KAZN: variants seen among roughly 807,000 people sequenced by gnomAD.
KAZN encodes the protein kazrin.
In KAZN, 40 loss-of-function variants were observed where a neutral mutation model predicts 87.4. The ratio of observed to expected loss-of-function variants is 0.46; its 90% CI spans 0.36 to 0.60. The LOEUF is 0.60. KAZN is among the 20% of genes least tolerant of loss of function. The pLI, the probability that KAZN is intolerant of heterozygous loss-of-function variation, is 0.00. For synonymous variants in KAZN, 466 were observed against 458.3 expected (o/e 1.02, Z -0.22); for missense variants, 898 against 1,073.9 (o/e 0.84, Z 2.29).
intron 1 of KAZN, among the ~76,000 whole-genome samples, chr1:14,960,109 T>C (rs570934094): frequency 1.1e-3 from 170 of 152,278 alleles, no homozygotes; most frequent in African/African-American, 3.8e-3. Flanking sequence ...AGGGTATGTG[T>C]TTTGCAAAAT....
In KAZN at chr1:14,354,690, AC is replaced by A. The variant is rs1347495539; in HGVS notation, c.249+174099del. On this transcript the variant is annotated intron_variant, in intron 2 of 16. Transcript: ENST00000636203. The stretch of plus-strand genomic sequence containing the variant: ...CACACACACACACACACACACACAA[AC>A]AAACCTGACAATGCCAAATGTTGGC... Among the ~76,000 whole-genome samples the A allele has an allele frequency of 3.4e-3, 506 of 150,712 alleles. 2 individuals carry two copies. The highest frequency in any genetic ancestry group is 0.012 in the African/African-American group (477 of 40,906).
chr1:14,350,889 T>G (rs1036204853), intron 2 of KAZN: 3 of 152,258 alleles, frequency 2.0e-5, no homozygotes, highest in African/African-American at 7.2e-5. Context: ...GTTAGCGAGT[T>G]CTCATGAACA....
intron 14 of KAZN, 182 bp downstream of exon 14, chr1:15,112,723 G>A (rs1252831469): frequency 3.4e-6 from 2 of 580,246 alleles, no homozygotes; most frequent in African/African-American, 3.8e-5. Flanking sequence ...GATGCTTTGG[G>A]TACAGTGCAC....
intron 1 of KAZN, among the ~76,000 whole-genome samples, chr1:14,849,403 C>T (rs1649167979): frequency 6.6e-6 from 1 of 152,176 alleles, no homozygotes; most frequent in South Asian, 2.1e-4. Flanking sequence ...TGAGTGTTTA[C>T]TACGTTCCGG....
At chr1:14,220,926 G>A (rs1571055309) in intron 2 of KAZN, among the ~76,000 whole-genome samples, 1 of 152,284 alleles carries the variant, frequency 6.6e-6, no homozygotes, top group Admixed American at 6.5e-5. Flanking sequence ...TGTGCCTAGA[G>A]GTAAAGGTTT....
intron 2 of KAZN, among the ~76,000 whole-genome samples, chr1:14,386,982 G>A (rs146592267): frequency 5.7e-4 from 87 of 152,232 alleles, no homozygotes; most frequent in East Asian, 3.9e-3. Flanking sequence ...TTTTCACATC[G>A]TCCCATATTT....
Position 14,169,913 on chromosome 1 carries a change from T to C in KAZN, c.92-10522T>C, listed in dbSNP as rs112574471. Among the ~76,000 whole-genome samples, 1,030 of 152,060 alleles carry C rather than the reference T, an allele frequency of 6.8e-3. 15 individuals are homozygous for C. Among genetic ancestry groups the C allele is most frequent in the African/African-American group, 0.023 (966 of 41,454 alleles). On this transcript the variant is annotated intron_variant, in intron 1 of 16. Transcript: ENST00000636203. Reference sequence around the variant, plus strand: ...CAGCTAATAGCAGATGGAGGCAGGGTTCAAACTCAGGAAATCTGACCCCAA... The same window carrying C: ...CAGCTAATAGCAGATGGAGGCAGGGCTCAAACTCAGGAAATCTGACCCCAA...
At chr1:15,025,998 C>T (rs1671122650) in intron 2 of KAZN, among the ~76,000 whole-genome samples, 1 of 152,056 alleles carries the variant, frequency 6.6e-6, no homozygotes, top group Non-Finnish European at 1.5e-5. Flanking sequence ...CTCTTCCGAA[C>T]TCACCTTACT....
At chr1:14,801,847 C>T (rs1376702152) in intron 1 of KAZN, among the ~76,000 whole-genome samples, 1 of 145,378 alleles carries the variant, frequency 6.9e-6, no homozygotes, top group Non-Finnish European at 1.5e-5. Flanking sequence ...TCACGCCCAG[C>T]TAATTTTTTT....
intron 2 of KAZN, among the ~76,000 whole-genome samples, chr1:14,260,370 A>G (rs188446497): frequency 7.4e-4 from 113 of 152,330 alleles, no homozygotes; most frequent in African/African-American, 2.6e-3. Flanking sequence ...TGGACATTTG[A>G]GCAGAGGTTT....
intron 1 of KAZN, among the ~76,000 whole-genome samples, chr1:14,937,332 T>C (rs1660574530): frequency 6.6e-6 from 1 of 152,216 alleles, no homozygotes; most frequent in Non-Finnish European, 1.5e-5. Context: ...CCCTTTCTAG[T>C]TCCCTGCAGA....
intron 1 of KAZN, among the ~76,000 whole-genome samples, chr1:13,978,453 C>T (rs1035082012): frequency 5.5e-4 from 83 of 149,648 alleles, no homozygotes; most frequent in African/African-American, 1.9e-3. Context: ...TAAATAATTA[C>T]ATTAAAAAAG....
chr1:15,006,099 A>G (rs1177850941), intron 2 of KAZN, among the ~76,000 whole-genome samples: 1 of 152,194 alleles, frequency 6.6e-6, no homozygotes, highest in East Asian at 1.9e-4. Context: ...GTTCTGGGGT[A>G]TTCTGCCAAA....
chr1:14,739,146 C>A (rs972549065), intron 1 of KAZN, among the ~76,000 whole-genome samples: 18 of 152,152 alleles, frequency 1.2e-4, no homozygotes, highest in African/African-American at 4.3e-4. Context: ...CCACGGCACT[C>A]CAGCATGGGC....
chr1:14,348,369 C>A (rs1368547792), intron 2 of KAZN, among the ~76,000 whole-genome samples: 2 of 152,042 alleles, frequency 1.3e-5, no homozygotes, highest in Non-Finnish European at 2.9e-5. Flanking sequence ...TACTTCTTAA[C>A]AAGAAAAGAA....
intron 1 of KAZN, among the ~76,000 whole-genome samples, chr1:14,848,728 C>T (rs1453110655): frequency 2.0e-5 from 3 of 152,206 alleles, no homozygotes; most frequent in Non-Finnish European, 4.4e-5. Flanking sequence ...TAAAACGTCG[C>T]CATCCATCCC....
At chr1:14,898,088 G>A (rs35126655) in intron 1 of KAZN, among the ~76,000 whole-genome samples, 12,739 of 152,196 alleles carry the variant, frequency 0.084, 749 homozygotes, top group African/African-American at 0.17. Flanking sequence ...AATGGTACCC[G>A]GGGGTGAGAA....
intron 1 of KAZN, among the ~76,000 whole-genome samples, chr1:14,140,981 A>T (rs1487579671): frequency 6.6e-6 from 1 of 152,160 alleles, no homozygotes; most frequent in Non-Finnish European, 1.5e-5. Context: ...CGCTCCGCTC[A>T]GAAGTTCTGG....
chr1:14,693,981 A>T (rs932855133), intron 1 of KAZN, among the ~76,000 whole-genome samples: 4 of 152,070 alleles, frequency 2.6e-5, no homozygotes, highest in Non-Finnish European at 4.4e-5. Flanking sequence ...CATGATTTTA[A>T]CTCGAGGCAG....
Sources: gnomAD v4.1 joint callset for allele counts (sites outside exome capture counted in the v4.1 genomes callset) on GRCh38, gnomAD v4.1.1 for gene constraint, MANE v1.5 for transcripts, NCBI Gene and HGNC (gene_info 2026-07-23, HGNC 2026-07-21) for gene names.